The following MYT1 variants were observed in gnomAD, a reference collection of about 807,000 sequenced individuals.
MYT1 encodes myelin transcription factor 1.
In MYT1, 23 loss-of-function variants were observed where a neutral mutation model predicts 123.0. That is an observed-to-expected ratio of 0.19 (90% confidence interval 0.13 to 0.26). The LOEUF is 0.26. Among genes scored for constraint, MYT1 ranks in the 10% least tolerant of loss-of-function variants. MYT1 has a pLI of 1.00. For missense variants in MYT1, 1,125 were observed against 1,472.5 expected, an observed-to-expected ratio of 0.76 and a Z score of 3.86; for synonymous variants, 518 against 575.3, an observed-to-expected ratio of 0.90 and a Z score of 1.43.
At chr20:64,224,996 A>G (rs1233699603) in intron 16 of MYT1, among the ~76,000 whole-genome samples, 1 of 152,108 alleles carries the variant, frequency 6.6e-6, no homozygotes, top group Non-Finnish European at 1.5e-5. Flanking sequence ...TTAACGCCAA[A>G]CTTCTTTAGA....
chr20:64,197,245 T>A (rs1983151086), intron 2 of MYT1, among the ~76,000 whole-genome samples: 1 of 152,238 alleles, frequency 6.6e-6, no homozygotes, highest in Non-Finnish European at 1.5e-5. Flanking sequence ...ATCACATACA[T>A]CATTGTATGT....
intron 1 of MYT1, among the ~76,000 whole-genome samples, chr20:64,188,850 G>A (rs913609221): frequency 5.3e-5 from 8 of 152,270 alleles, no homozygotes; most frequent in Admixed American, 3.9e-4. Flanking sequence ...TCATCTCAGC[G>A]ACGGCCTGCG....
chr20:64,207,565 G>A, intron 6 of MYT1, 29 bp from the exon 7 acceptor site: 11 of 1,597,598 alleles, frequency 6.9e-6, no homozygotes, highest in Non-Finnish European at 9.4e-6. Context: ...GTGCTCTCTG[G>A]CCCCCACGTT....
At chr20:64,194,734 TG>T (rs749008514) in intron 2 of MYT1, among the ~76,000 whole-genome samples, 4 of 151,216 alleles carry the variant, frequency 2.6e-5, no homozygotes, top group Non-Finnish European at 5.9e-5. Flanking sequence ...CGGGAAGGAG[TG>T]GGGAGACGCA....
In MYT1 at chr20:64,235,434, GT is replaced by G. The variant is rs1359057364; in HGVS notation, c.2898-1120del. ...GGTGGGTGATGCTGGGATGGTCATG[GT>G]GGGTGACCCTGGGATGGCCGCGGTG... On this transcript the variant is annotated intron_variant, in intron 19 of 22. Coordinates refer to ENST00000328439, the MANE Select transcript of MYT1 (RefSeq NM_004535.3). 2.8e-5 allele frequency among the ~76,000 whole-genome samples: 4 copies of G among 140,994 alleles called. No individual in the cohort carries two copies. In the East Asian group the frequency reaches 8.7e-4, roughly 31 times the overall value. The allele number at this position is 140,994 out of a possible 152,430, so 92.5% of individuals were successfully genotyped here.
At chr20:64,227,142 C>G (rs1332478865) in intron 16 of MYT1, among the ~76,000 whole-genome samples, 1 of 152,232 alleles carries the variant, frequency 6.6e-6, no homozygotes, top group Non-Finnish European at 1.5e-5. Flanking sequence ...GATGCTGGAG[C>G]AGCAGTTGGC....
In MYT1 at chr20:64,208,270, C is replaced by A; in HGVS notation, c.1074C>A (p.Ser358=). 6.2e-7 allele frequency: 1 copy of A among 1,614,166 alleles called. No individual in the cohort carries two copies. The highest frequency in any genetic ancestry group is 8.5e-7 in the Non-Finnish European group (1 of 1,180,032). ...ATGACAAGGACGAGGACACCCACTCCCGGAAGTCAACAGTCACTGACGAGT... is the reference window on the plus strand; with the variant it reads ...ATGACAAGGACGAGGACACCCACTCACGGAAGTCAACAGTCACTGACGAGT... ...SDDDKDEDTH[S]RKSTVTDESE... is the part of the protein sequence containing the mutation. Residue 358 remains serine, a synonymous_variant, in exon 7 of 23, where the codon TCC becomes TCA. Coordinates refer to ENST00000328439, the MANE Select transcript of MYT1 (RefSeq NM_004535.3). The surrounding 1 kb of genome is among the most constrained non-coding windows in gnomAD (Gnocchi z 5.4).
chr20:64,204,936 C>G, intron 4 of MYT1, 99 bp from the exon 5 acceptor site: 1 of 1,213,020 alleles, frequency 8.2e-7, no homozygotes, highest in Non-Finnish European at 1.2e-6. Flanking sequence ...TGAGGTGAAT[C>G]GTCTGGAGAC....
rs145056376 is a variant in MYT1, at chr20:64,206,825, C to A, written c.398-769C>A. On this transcript the variant is annotated intron_variant, in intron 6 of 22. Transcript: ENST00000328439. ...AGGTGGATGGCAGGGCCCATTCCTA[C>A]CACTGTGGGACGTGCTGGCCCAGGT... is the stretch of plus-strand genomic sequence containing the variant. 2.4e-3 allele frequency among the ~76,000 whole-genome samples: 362 copies of A among 152,354 alleles called. 2 individuals are homozygous for A. Among genetic ancestry groups the A allele is most frequent in the African/African-American group, 8.5e-3 (352 of 41,584 alleles).
At position 64,190,622 on chromosome 20, in the gene MYT1, G is replaced by A. The variant is rs1275976822; in HGVS notation, c.-1+462G>A. On this transcript the variant is annotated intron_variant, in intron 2 of 22. Transcript: ENST00000328439. This position sits in a 1 kb window ranked among gnomAD's most constrained non-coding sequence, Gnocchi z 4.1. ...CACTTGAGCCTGGGAAGTCAAGGCT[G>A]CAGTGAGCTGAGATTGTGCCACTGC... Among the ~76,000 whole-genome samples, 1 of 151,270 alleles carries A rather than the reference G, an allele frequency of 6.6e-6. No homozygotes were observed. The highest frequency in any genetic ancestry group is 1.5e-5 in the Non-Finnish European group (1 of 67,962).
chr20:64,230,518 ATAC>A (rs200925465), intron 18 of MYT1, among the ~76,000 whole-genome samples: 1 of 152,202 alleles, frequency 6.6e-6, no homozygotes, highest in East Asian at 1.9e-4. Context: ...CATCTCAAAA[ATAC>A]TACTACTACT....
chr20:64,196,034 G>T lies in MYT1; in HGVS notation c.1-2828G>T, dbSNP rs116572196. ...AACAGAGCAGACGTTCTTGAGAAAG[G>T]TTGCCGGCCCAGCAGTAAGAGTGGG... On this transcript the variant is annotated intron_variant, in intron 2 of 22. Coordinates refer to ENST00000328439, the MANE Select transcript of MYT1 (RefSeq NM_004535.3). This position sits in a 1 kb window ranked among gnomAD's most constrained non-coding sequence, Gnocchi z 4.3. 0.017 allele frequency among the ~76,000 whole-genome samples: 2,538 copies of T among 152,318 alleles called. 35 individuals carry two copies. The highest frequency in any genetic ancestry group is 0.031 in the Middle Eastern group (9 of 294).
rs1350921683 is a variant in MYT1, at chr20:64,211,353, G to T, written c.1426+13G>T. The stretch of plus-strand genomic sequence containing the variant: ...ATCCCCCCAGAGAGTGAGTAGCTCT[G>T]TGCAGCGTTAGCCCTAACTGTGAAG... On this transcript the variant is annotated intron_variant, in intron 8 of 22. Transcript: ENST00000328439. 6.2e-7 allele frequency: 1 copy of T among 1,606,542 alleles called. No homozygotes were observed. The highest frequency in any genetic ancestry group is 8.5e-7 in the Non-Finnish European group (1 of 1,174,710).
intron 1 of MYT1, among the ~76,000 whole-genome samples, chr20:64,170,031 C>A (rs1296882456): frequency 6.6e-6 from 1 of 151,178 alleles, no homozygotes; most frequent in Non-Finnish European, 1.5e-5. Flanking sequence ...CACAGTATGA[C>A]CCTCACTGCC....
rs1015145826 is a variant in MYT1, at chr20:64,231,497, A to G, written c.2676-667A>G. Among the ~76,000 whole-genome samples the G allele has an allele frequency of 6.6e-6, 1 of 152,192 alleles. No individual in the cohort carries two copies. The highest frequency in any genetic ancestry group is 1.5e-5 in the Non-Finnish European group (1 of 68,040). On this transcript the variant is annotated intron_variant, in intron 18 of 22. Transcript: ENST00000328439. The surrounding 1 kb of genome is among the most constrained non-coding windows in gnomAD (Gnocchi z 6.4). Reference sequence around the variant, plus strand: ...CACCCAGAACGAAGGAAAGGAAAACACCATTTAAGGCCAGCCTCAGGCACG... The same window carrying G: ...CACCCAGAACGAAGGAAAGGAAAACGCCATTTAAGGCCAGCCTCAGGCACG...
At chr20:64,209,897 C>A (rs962447135) in intron 7 of MYT1, among the ~76,000 whole-genome samples, 3 of 152,262 alleles carry the variant, frequency 2.0e-5, no homozygotes, top group East Asian at 1.9e-4. Flanking sequence ...TTTAGGGCAA[C>A]CCAGATGGCG....
intron 13 of MYT1, among the ~76,000 whole-genome samples, chr20:64,220,778 AGGGGGGTGG>A (rs1165287105): frequency 1.5e-4 from 22 of 142,338 alleles, no homozygotes; most frequent in Non-Finnish European, 3.3e-4. Flanking sequence ...AGGAGGAATG[AGGGGGGTGG>A]GGCTAGGCCC....
chr20:64,221,125 T>C (rs761313077), intron 13 of MYT1, among the ~76,000 whole-genome samples: 5 of 152,150 alleles, frequency 3.3e-5, no homozygotes, highest in African/African-American at 1.2e-4. Flanking sequence ...CCAAAAACCT[T>C]TGAGGGGCTG....
chr20:64,235,372 C>T (rs1984482153), intron 19 of MYT1, among the ~76,000 whole-genome samples: 1 of 133,314 alleles, frequency 7.5e-6, no homozygotes. Context: ...GTGGGTGACA[C>T]TGGGCTGGTG....
Sources: allele counts gnomAD v4.1 joint callset (sites outside exome capture counted in the v4.1 genomes callset), GRCh38; gene constraint gnomAD v4.1.1; non-coding constraint Gnocchi (gnomAD v3.1); transcripts MANE v1.5; gene names NCBI Gene and HGNC (gene_info 2026-07-23, HGNC 2026-07-21).